HEPHL1: variants seen among roughly 807,000 people sequenced by gnomAD.
HEPHL1 encodes hephaestin like 1, also known as ferroxidase HEPHL1.
Under a neutral mutation model 122.0 loss-of-function variants are expected in HEPHL1, and 123 were observed. That is an observed-to-expected ratio of 1.01 (90% confidence interval 0.87 to 1.17). HEPHL1 has a LOEUF of 1.17. Among genes scored for constraint, HEPHL1 ranks in the 50% most tolerant of loss-of-function variants. The pLI is 0.00. For synonymous variants in HEPHL1, 527 were observed against 508.9 expected, an observed-to-expected ratio of 1.04 and a Z score of -0.48; for missense variants, 1,452 against 1,430.5, an observed-to-expected ratio of 1.01 and a Z score of -0.24.
chr11:94,053,616 G>A (rs1945910126), intron 2 of HEPHL1, among the ~76,000 whole-genome samples: 2 of 151,508 alleles, frequency 1.3e-5, no homozygotes, highest in Admixed American at 1.3e-4. Flanking sequence ...TTTTAAGCAT[G>A]GCTTTACCTG....
rs1424784754 is a variant in HEPHL1, at chr11:94,112,986, T to TGGAA, written c.*1096_*1099dup. ...TGGCTTTTAAAGACATACCTCTTCA[T>TGGAA]GGAAGGAGAAAAAAGGAAAAGGAAA... is the stretch of plus-strand genomic sequence containing the variant. On this transcript the variant is annotated 3_prime_UTR_variant, in exon 20 of 20. Transcript: ENST00000315765. 6.6e-6 allele frequency: 1 copy of TGGAA among 152,010 alleles called. No individual in the cohort carries two copies. Among genetic ancestry groups the TGGAA allele is most frequent in the East Asian group, 1.9e-4 (1 of 5,192 alleles). 9.4% of individuals were successfully genotyped at this position (152,010 alleles called of 1,614,324 possible).
intron 2 of HEPHL1, among the ~76,000 whole-genome samples, chr11:94,053,253 A>AGTT (rs1945907276): frequency 6.6e-6 from 1 of 152,032 alleles, no homozygotes; most frequent in East Asian, 1.9e-4. Flanking sequence ...TTTGGCAGAA[A>AGTT]GTTGCCTATA....
At chr11:94,088,103 C>A (rs1180124558) in intron 11 of HEPHL1, among the ~76,000 whole-genome samples, 3 of 152,120 alleles carry the variant, frequency 2.0e-5, no homozygotes, top group African/African-American at 7.2e-5. Flanking sequence ...AAAATTCAAT[C>A]TAAAAATTAC....
intron 1 of HEPHL1, among the ~76,000 whole-genome samples, chr11:94,044,801 C>G (rs1945819050): frequency 7.0e-6 from 1 of 143,024 alleles, no homozygotes; most frequent in Non-Finnish European, 1.5e-5. Flanking sequence ...CTTGCTCTGT[C>G]ATCCAGGCTA....
intron 17 of HEPHL1, among the ~76,000 whole-genome samples, chr11:94,107,335 C>T (rs1946417145): frequency 6.6e-6 from 1 of 151,922 alleles, no homozygotes; most frequent in African/African-American, 2.4e-5. Context: ...TTTAAACTCA[C>T]ATTTTAAAAA....
At chr11:94,035,169 C>T (rs568394483) in intron 1 of HEPHL1, among the ~76,000 whole-genome samples, 1 of 152,292 alleles carries the variant, frequency 6.6e-6, no homozygotes, top group Admixed American at 6.5e-5. Context: ...ATACCTTTCT[C>T]AAGCTCTTCC....
rs779629055 is a variant in HEPHL1 at position 94,067,698 on chromosome 11, C to T, written c.1011C>T (p.Ala337=). The part of the protein sequence containing the change: ...PATFLTTEMI[A]ENPGKWMITC... ...CCTTCCTTACAACAGAAATGATAGC[C>T]GAGAATCCTGGGAAGTGGATGATAA... is the stretch of plus-strand genomic sequence containing the variant. The change falls in exon 5 of 20, where the codon GCC becomes GCT. Residue 337 remains alanine (A), a synonymous_variant. Transcript: ENST00000315765. 47 of 1,613,494 alleles carry T rather than the reference C, an allele frequency of 2.9e-5. No individual in the cohort carries two copies. Among genetic ancestry groups the T allele is most frequent in the African/African-American group, 2.7e-5 (2 of 74,856 alleles).
intron 1 of HEPHL1, among the ~76,000 whole-genome samples, chr11:94,027,727 C>T (rs1324528010): frequency 5.3e-5 from 8 of 152,196 alleles, no homozygotes; most frequent in Non-Finnish European, 7.3e-5. Context: ...CATTCCCCCT[C>T]ATCATGCCAT....
At chr11:94,057,132 G>A (rs577354864) in intron 2 of HEPHL1, among the ~76,000 whole-genome samples, 1 of 152,190 alleles carries the variant, frequency 6.6e-6, no homozygotes, top group East Asian at 1.9e-4. Context: ...TCATATTGAT[G>A]CTCCCTTGTA....
chr11:94,059,357 A>G (rs1276975563), intron 2 of HEPHL1, among the ~76,000 whole-genome samples: 3 of 152,146 alleles, frequency 2.0e-5, no homozygotes, highest in Admixed American at 6.6e-5. Flanking sequence ...TGTTTGTACA[A>G]TACATTATTA....
At chr11:94,102,453 C>T (rs551076777) in intron 14 of HEPHL1, among the ~76,000 whole-genome samples, 2 of 152,278 alleles carry the variant, frequency 1.3e-5, no homozygotes, top group South Asian at 2.1e-4. Context: ...AAAACACTGG[C>T]ACCAGAGTCC....
At position 94,045,902 on chromosome 11, in the gene HEPHL1, A is replaced by G; in HGVS notation, c.400A>G (p.Asn134Asp). ...TCTGCATCCACATGGCGTTTTCTAC[A>G]ACAAAGATTCAGAAGGTAAATATCA... Reference protein sequence around the residue: ...YSLHPHGVFYNKDSEGALYPD... With the variant: ...YSLHPHGVFYDKDSEGALYPD... Residue 134 changes from asparagine to aspartate, a missense_variant, in exon 2 of 20, where the codon AAC becomes GAC. Coordinates refer to ENST00000315765, the MANE Select transcript of HEPHL1 (RefSeq NM_001098672.2). 6.2e-7 allele frequency: 1 copy of G among 1,613,820 alleles called. No homozygotes were observed. Among genetic ancestry groups the G allele is most frequent in the African/African-American group, 1.3e-5 (1 of 75,046 alleles).
At chr11:94,075,427 T>A in intron 9 of HEPHL1, 42 bp downstream of exon 9, 2 of 1,416,760 alleles carry the variant, frequency 1.4e-6, no homozygotes, top group Non-Finnish European at 1.9e-6. Flanking sequence ...GGGTTGTATG[T>A]GGGAGAGATC....
At chr11:94,049,470 A>G (rs1480827564) in intron 2 of HEPHL1, among the ~76,000 whole-genome samples, 4 of 152,110 alleles carry the variant, frequency 2.6e-5, no homozygotes, top group South Asian at 2.1e-4. Flanking sequence ...TAGAACTCCC[A>G]TATGACCCAG....
chr11:94,047,314 A>G (rs1945848592), intron 2 of HEPHL1, among the ~76,000 whole-genome samples: 2 of 152,154 alleles, frequency 1.3e-5, no homozygotes, highest in South Asian at 4.1e-4. Flanking sequence ...CCAGGAATTA[A>G]GCCTAGTCCC....
At chr11:94,052,734 T>C (rs956445774) in intron 2 of HEPHL1, among the ~76,000 whole-genome samples, 1 of 152,164 alleles carries the variant, frequency 6.6e-6, no homozygotes, top group Non-Finnish European at 1.5e-5. Flanking sequence ...GAGATGGTCA[T>C]GTGGCTTTTC....
rs1946379714 is a variant in HEPHL1, at chr11:94,102,949, A to G, written c.2611A>G (p.Arg871Gly). 1.9e-6 allele frequency: 3 copies of G among 1,607,206 alleles called. No homozygotes were observed. Among genetic ancestry groups the G allele is most frequent in the Non-Finnish European group, 1.7e-6 (2 of 1,173,928 alleles). The change falls in exon 15 of 20, where the codon AGA becomes GGA. Residue 871 changes from arginine to glycine, a missense_variant. Transcript: ENST00000315765. The part of the protein sequence containing the change: ...VKTYRWNIPK[R>G]SGPGPSDPNC... ...AACTTATAGATGGAATATCCCTAAA[A>G]GATCCGGTCCAGGGCCTTCTGATCC...
At position 94,086,205 on chromosome 11, in the gene HEPHL1, C is replaced by T; in HGVS notation, c.2080+16C>T. ...GACCATGCAGGTAAACTTGCTGGGT[C>T]CATCTCAGGTGACCAGATTTCTACC... is the stretch of plus-strand genomic sequence containing the variant. On this transcript the variant is annotated intron_variant, in intron 11 of 19. Transcript: ENST00000315765. The T allele has an allele frequency of 6.3e-7, 1 of 1,585,012 alleles. No individual in the cohort carries two copies. Among genetic ancestry groups the T allele is most frequent in the Non-Finnish European group, 8.6e-7 (1 of 1,162,040 alleles).
Position 94,088,744 on chromosome 11 carries a change from T to C in HEPHL1, c.2081-11T>C. ...AGCACCACACTCAATGCCGAGCCAT[T>C]TCTCTTGCAGGTATTTTTAGGGTGT... On this transcript the variant is annotated splice_polypyrimidine_tract_variant and intron_variant, in intron 11 of 19. Transcript: ENST00000315765. The C allele has an allele frequency of 6.2e-7, 1 of 1,607,676 alleles. No homozygotes were observed. Among genetic ancestry groups the C allele is most frequent in the Non-Finnish European group, 8.5e-7 (1 of 1,175,824 alleles).
Sources: gnomAD v4.1 joint callset for allele counts (sites outside exome capture counted in the v4.1 genomes callset) on GRCh38, gnomAD v4.1.1 for gene constraint, MANE v1.5 for transcripts, NCBI Gene and HGNC (gene_info 2026-07-23, HGNC 2026-07-21) for gene names.